EIF4ENIF1: variants seen among roughly 807,000 people sequenced by gnomAD.
EIF4ENIF1 encodes the protein eukaryotic translation initiation factor 4E nuclear import factor 1, also known as eukaryotic translation initiation factor 4E transporter.
In EIF4ENIF1, 23 loss-of-function variants were observed where a neutral mutation model predicts 110.5. The ratio of observed to expected loss-of-function variants is 0.21; its 90% CI spans 0.15 to 0.29. The LOEUF (loss-of-function observed/expected upper bound fraction) is 0.29. Ranked by LOEUF, EIF4ENIF1 falls within the 10% of genes least tolerant of loss-of-function variation. EIF4ENIF1 has a pLI of 1.00. For synonymous variants in EIF4ENIF1, 440 were observed against 437.0 expected (o/e 1.01, Z -0.09); for missense variants, 1,031 against 1,221.1 (o/e 0.84, Z 2.32).
rs1208695102 is a variant in EIF4ENIF1, at chr22:31,477,367, AAAAAAAAC to A, written c.97-5458_97-5451del. On this transcript the variant is annotated intron_variant, in intron 2 of 18. Transcript: ENST00000330125. ...CAAGACCTCTGTCTCCAAAAAAAAA[AAAAAAAAC>A]AAAAAAAACAAAAAAAGAGAATTTG... 4.1e-3 allele frequency among the ~76,000 whole-genome samples: 555 copies of A among 134,138 alleles called. 3 individuals carry two copies. The highest frequency in any genetic ancestry group is 0.015 in the African/African-American group (529 of 36,078). The allele number at this position is 134,138 out of a possible 152,430, so 88.0% of individuals were successfully genotyped here. A position where few individuals can be genotyped will look rare whatever the true frequency, so the allele number is the denominator to read the frequency against.
downstream of EIF4ENIF1, among the ~76,000 whole-genome samples, chr22:31,438,998 G>A (rs181315571): frequency 6.6e-6 from 1 of 152,302 alleles, no homozygotes; most frequent in Non-Finnish European, 1.5e-5. Flanking sequence ...GAGATTACAG[G>A]CGTGAGCCAC....
chr22:31,440,215 C>T (rs561253775), intron 18 of EIF4ENIF1, 94 bp from the exon 19 acceptor site: 1 of 1,573,256 alleles, frequency 6.4e-7, no homozygotes, highest in African/African-American at 1.4e-5. Flanking sequence ...AAAGTCTTTA[C>T]TAGAGGATTT....
rs2145949822 is a variant in EIF4ENIF1 at position 31,455,335 on chromosome 22, T to G, written c.1100-20A>C. 1 of 1,505,600 alleles carries G rather than the reference T, an allele frequency of 6.6e-7. No individual in the cohort carries two copies. The highest frequency in any genetic ancestry group is 2.4e-5 in the East Asian group (1 of 42,048). 93.3% of individuals were successfully genotyped at this position (1,505,600 alleles called of 1,614,324 possible). On this transcript the variant is annotated intron_variant, in intron 8 of 18. Transcript: ENST00000330125. The stretch of plus-strand genomic sequence containing the variant: ...CCAGACCTGATATTGCAAATAAACA[T>G]ACTCAAAATTAATCTGTTCCAGTAA...
intron 14 of EIF4ENIF1, among the ~76,000 whole-genome samples, chr22:31,445,027 G>A (rs1029134470): frequency 3.9e-5 from 6 of 152,224 alleles, no homozygotes; most frequent in Admixed American, 3.9e-4. Flanking sequence ...CTGCAGGGAT[G>A]CTTCCTGGGG....
chr22:31,446,092 T>C (rs1399294008), intron 14 of EIF4ENIF1, among the ~76,000 whole-genome samples: 1 of 151,468 alleles, frequency 6.6e-6, no homozygotes, highest in Non-Finnish European at 1.5e-5. Context: ...AATTCAAGTC[T>C]GGCCAACATA....
rs751879519 is a variant in EIF4ENIF1, at chr22:31,443,053, C to T, written c.2115G>A (p.Met705Ile). The change falls in exon 16 of 19, where the codon ATG (methionine) becomes ATA (isoleucine). Residue 705 changes from methionine to isoleucine, a missense_variant. Transcript: ENST00000330125. ...SFTPTSVIRK[M>I]YESKEKSKEE... ...CCTTGCTTTTCTCTTTGCTCTCGTA[C>T]ATCTTACGAATCACTGAGGTAGGGG... is the stretch of plus-strand genomic sequence containing the variant. 3.1e-6 allele frequency: 5 copies of T among 1,614,184 alleles called. No homozygotes were observed. Among genetic ancestry groups the T allele is most frequent in the Middle Eastern group, 1.6e-4 (1 of 6,062 alleles).
Position 31,441,148 on chromosome 22 carries a change from G to A in EIF4ENIF1, c.2552-280C>T, listed in dbSNP as rs370316945. ...CAGGCGCCTGTAATCCCAGCTACTC[G>A]GAAGGCTGAGGCAGGGACCTAGAAC... On this transcript the variant is annotated intron_variant, in intron 17 of 18. Coordinates refer to ENST00000330125, the MANE Select transcript of EIF4ENIF1 (RefSeq NM_019843.4). 2.6e-4 allele frequency among the ~76,000 whole-genome samples: 39 copies of A among 152,208 alleles called. 2 individuals carry two copies. The highest frequency in any genetic ancestry group is 2.5e-3 in the East Asian group (13 of 5,182).
chr22:31,458,369 G>T, intron 7 of EIF4ENIF1, 106 bp downstream of exon 7: 1 of 993,640 alleles, frequency 1.0e-6, no homozygotes, highest in African/African-American at 1.7e-5. Context: ...AAGAATAAAA[G>T]CCAAAAACCC....
intron 6 of EIF4ENIF1, among the ~76,000 whole-genome samples, chr22:31,462,232 C>T (rs2051017943): frequency 6.6e-6 from 1 of 152,082 alleles, no homozygotes; most frequent in African/African-American, 2.4e-5. Context: ...CCTATAATCC[C>T]AGCACTTTGG....
chr22:31,479,221 C>T (rs1314680338), intron 2 of EIF4ENIF1, among the ~76,000 whole-genome samples: 2 of 152,000 alleles, frequency 1.3e-5, no homozygotes, highest in Non-Finnish European at 2.9e-5. Context: ...CTCATGCCGC[C>T]ATGCCCGGCT....
At chr22:31,440,674 C>T (rs759511625) in intron 18 of EIF4ENIF1, 30 bp downstream of exon 18, 33 of 1,605,410 alleles carry the variant, frequency 2.1e-5, no homozygotes, top group Non-Finnish European at 2.6e-5. Flanking sequence ...AAGTCCGTCC[C>T]AAACTCACCT....
chr22:31,449,308 C>A, intron 12 of EIF4ENIF1, 40 bp downstream of exon 12: 1 of 1,597,730 alleles, frequency 6.3e-7, no homozygotes, highest in Non-Finnish European at 8.5e-7. Context: ...CCGTGCCTGG[C>A]CATAAATTCA....
At chr22:31,471,985 C>T in intron 2 of EIF4ENIF1, 68 bp from the exon 3 acceptor site, 1 of 1,250,962 alleles carries the variant, frequency 8.0e-7, no homozygotes, top group Non-Finnish European at 1.1e-6. Flanking sequence ...AACTTCTGTT[C>T]TGAATAATTC....
At chr22:31,443,301 T>C (rs1223335219) in intron 15 of EIF4ENIF1, 4 of 606,254 alleles carry the variant, frequency 6.6e-6, no homozygotes, top group Admixed American at 6.9e-5. Flanking sequence ...TGCTTACAAC[T>C]GTGTGATAAT....
intron 5 of EIF4ENIF1, 28 bp downstream of exon 5, chr22:31,463,650 TTAA>T: frequency 2.2e-6 from 3 of 1,343,642 alleles, no homozygotes; most frequent in African/African-American, 1.8e-5. Flanking sequence ...CCGTCTCAAT[TTAA>T]AAAAAAAAAA....
chr22:31,471,646 G>A (rs773820240), intron 3 of EIF4ENIF1, among the ~76,000 whole-genome samples, 198 bp downstream of exon 3: 3 of 152,158 alleles, frequency 2.0e-5, no homozygotes, highest in South Asian at 2.1e-4. Context: ...TTCTGACTAT[G>A]TGACTCTGAC....
intron 7 of EIF4ENIF1, among the ~76,000 whole-genome samples, chr22:31,456,372 T>C (rs56361498): frequency 0.16 from 23,640 of 151,146 alleles, 1,946 homozygotes; most frequent in Middle Eastern, 0.31. Context: ...TACAGGCGCC[T>C]GCCACCACGC....
intron 12 of EIF4ENIF1, among the ~76,000 whole-genome samples, 186 bp downstream of exon 12, chr22:31,449,162 C>A (rs2050570650): frequency 6.6e-6 from 1 of 152,100 alleles, no homozygotes; most frequent in Non-Finnish European, 1.5e-5. Flanking sequence ...AGGCATGCAC[C>A]ACCACGTCTG....
chr22:31,463,296 A>C (rs2051058925), intron 5 of EIF4ENIF1, among the ~76,000 whole-genome samples, 163 bp from the exon 6 acceptor site: 1 of 152,092 alleles, frequency 6.6e-6, no homozygotes, highest in Non-Finnish European at 1.5e-5. Context: ...GTTTAAGAGC[A>C]GGCTGTGTTC....
Sources: gnomAD v4.1 joint callset for allele counts (sites outside exome capture counted in the v4.1 genomes callset) on GRCh38, gnomAD v4.1.1 for gene constraint, MANE v1.5 for transcripts, NCBI Gene and HGNC (gene_info 2026-07-23, HGNC 2026-07-21) for gene names.